Variants in PIM1 observed in about 807,000 individuals in gnomAD.
PIM1 encodes the protein serine/threonine-protein kinase pim-1.
In PIM1, 9 loss-of-function variants were observed where a neutral mutation model predicts 34.5. That is an observed-to-expected ratio of 0.26 (90% confidence interval 0.16 to 0.46). The LOEUF (loss-of-function observed/expected upper bound fraction) is 0.46. Among genes scored for constraint, PIM1 ranks in the 20% least tolerant of loss-of-function variants. The pLI, the probability that PIM1 is intolerant of heterozygous loss-of-function variation, is 1.00. For synonymous variants in PIM1, 199 were observed against 175.2 expected, an observed-to-expected ratio of 1.14 and a Z score of -1.07; for missense variants, 274 against 410.9, an observed-to-expected ratio of 0.67 and a Z score of 2.88.
rs1561984629 is a variant in PIM1 at position 37,174,291 on chromosome 6, G to A, written c.*200G>A. 1 of 473,310 alleles carries A rather than the reference G, an allele frequency of 2.1e-6. No homozygotes were observed. The highest frequency in any genetic ancestry group is 3.7e-6 in the Non-Finnish European group (1 of 267,398). The allele number at this position is 473,310 out of a possible 1,614,324, so 29.3% of individuals were successfully genotyped here. On this transcript the variant is annotated 3_prime_UTR_variant, in exon 6 of 6. Transcript: ENST00000373509. Reference sequence around the variant, plus strand: ...AGTGGGGAAGAGTGACTCTCCAGGGGTCCTAGGCCTCAACTCCTCCCATAG... The same window carrying A: ...AGTGGGGAAGAGTGACTCTCCAGGGATCCTAGGCCTCAACTCCTCCCATAG...
rs1469955711 is a variant in PIM1, at chr6:37,174,188, A to C, written c.*97A>C. 1.6e-6 allele frequency: 2 copies of C among 1,214,656 alleles called. No individual in the cohort carries two copies. The highest frequency in any genetic ancestry group is 4.9e-5 in the East Asian group (2 of 41,088). 75.2% of individuals were successfully genotyped at this position (1,214,656 alleles called of 1,614,324 possible). ...CCGAGTACCAGTGACACGTCTCGCC[A>C]AGCAGGACAGTGCTTGATACAGGAA... On this transcript the variant is annotated 3_prime_UTR_variant, in exon 6 of 6. Coordinates refer to ENST00000373509, the MANE Select transcript of PIM1 (RefSeq NM_002648.4).
At position 37,170,443 on chromosome 6, in the gene PIM1, C is replaced by T. The variant is rs765369919; in HGVS notation, c.-133C>T. The T allele has an allele frequency of 2.6e-6, 4 of 1,542,386 alleles. No homozygotes were observed. Among genetic ancestry groups the T allele is most frequent in the Admixed American group, 3.9e-5 (2 of 51,222 alleles). On this transcript the variant is annotated 5_prime_UTR_variant, in exon 1 of 6. Transcript: ENST00000373509. ...CCTCGGCCTTCCGCGCCAGCCGCAG[C>T]CACAGCCGCAACGCCACCCGCAGCC...
In PIM1 at chr6:37,174,306, T is replaced by C; in HGVS notation, c.*215T>C. 1 of 389,198 alleles carries C rather than the reference T, an allele frequency of 2.6e-6. No homozygotes were observed. The highest frequency in any genetic ancestry group is 4.6e-6 in the Non-Finnish European group (1 of 216,476). 24.1% of individuals were successfully genotyped at this position (389,198 alleles called of 1,614,324 possible). On this transcript the variant is annotated 3_prime_UTR_variant, in exon 6 of 6. Transcript: ENST00000373509. Reference sequence around the variant, plus strand: ...CTCTCCAGGGGTCCTAGGCCTCAACTCCTCCCATAGATACTCTCTTCTTCT... The same window carrying C: ...CTCTCCAGGGGTCCTAGGCCTCAACCCCTCCCATAGATACTCTCTTCTTCT...
In PIM1 at chr6:37,170,571, T is replaced by C. The variant is rs563076832; in HGVS notation, c.-5T>C. On this transcript the variant is annotated 5_prime_UTR_variant, in exon 1 of 6. Transcript: ENST00000373509. ...CGTCCCTGCGCCGACATCCTGGAGG[T>C]TGGGATGCTCTTGTCCAAAATCAAC... 77 of 1,612,660 alleles carry C rather than the reference T, an allele frequency of 4.8e-5. No individual in the cohort carries two copies. The highest frequency in any genetic ancestry group is 6.0e-5 in the Non-Finnish European group (71 of 1,179,526).
At position 37,174,138 on chromosome 6, in the gene PIM1, A is replaced by G. The variant is rs775304256; in HGVS notation, c.*47A>G. The G allele has an allele frequency of 1.9e-6, 3 of 1,571,394 alleles. No homozygotes were observed. Among genetic ancestry groups the G allele is most frequent in the South Asian group, 1.2e-5 (1 of 85,562 alleles). On this transcript the variant is annotated 3_prime_UTR_variant, in exon 6 of 6. Transcript: ENST00000373509. The stretch of plus-strand genomic sequence containing the variant: ...CCCTCTCTTGTCAGATGCCCGAGGG[A>G]GGGGAAGCTTCTGTCTCCAGCTTCC...
intron 4 of PIM1, 78 bp downstream of exon 4, chr6:37,171,569 C>G (rs1226941690): frequency 7.2e-6 from 11 of 1,520,130 alleles, no homozygotes; most frequent in Non-Finnish European, 8.8e-6. Context: ...GCCAGTCTCC[C>G]GCGCCAGCCT....
rs373051321 is a variant in PIM1, at chr6:37,175,080, C to T, written c.*989C>T. On this transcript the variant is annotated 3_prime_UTR_variant, in exon 6 of 6. Transcript: ENST00000373509. The stretch of plus-strand genomic sequence containing the variant: ...TTTCTTTCCTCCTTTCCTCCTCTGA[C>T]TTGGGGACCTTTTGGGGGAGGGCTG... 2.6e-5 allele frequency: 6 copies of T among 233,496 alleles called. No individual in the cohort carries two copies. The highest frequency in any genetic ancestry group is 2.4e-4 in the East Asian group (4 of 16,596). 14.5% of individuals were successfully genotyped at this position (233,496 alleles called of 1,614,324 possible).
intron 2 of PIM1, 47 bp downstream of exon 2, chr6:37,170,926 C>T (rs1480771209): frequency 1.2e-6 from 2 of 1,612,996 alleles, no homozygotes; most frequent in East Asian, 2.2e-5. Flanking sequence ...GCGGGGGGCG[C>T]ACGGGCGTGC....
chr6:37,174,262 C>A lies in PIM1; in HGVS notation c.*171C>A. On this transcript the variant is annotated 3_prime_UTR_variant, in exon 6 of 6. Transcript: ENST00000373509. ...TCCCAGGCCCCTGGAGGCTGCCTCCCAACAGTGGGGAAGAGTGACTCTCCA... is the reference window on the plus strand; with the variant it reads ...TCCCAGGCCCCTGGAGGCTGCCTCCAAACAGTGGGGAAGAGTGACTCTCCA... 2 of 624,518 alleles carry A rather than the reference C, an allele frequency of 3.2e-6. No individual in the cohort carries two copies. The highest frequency in any genetic ancestry group is 5.4e-6 in the Non-Finnish European group (2 of 371,338). 38.7% of individuals were successfully genotyped at this position (624,518 alleles called of 1,614,324 possible). A position where few individuals can be genotyped will look rare whatever the true frequency, so the allele number is the denominator to read the frequency against.
chr6:37,172,791 A>G, intron 4 of PIM1: 1 of 685,462 alleles, frequency 1.5e-6, no homozygotes, highest in East Asian at 2.8e-5. Context: ...GGGCTAGCAG[A>G]GAGGTGGGTA....
rs899183109 is a variant in PIM1 at position 37,171,307 on chromosome 6, G to A, written c.423G>A (p.Glu141=). 2 of 1,614,056 alleles carry A rather than the reference G, an allele frequency of 1.2e-6. No individual in the cohort carries two copies. Among genetic ancestry groups the A allele is most frequent in the African/African-American group, 2.7e-5 (2 of 74,954 alleles). ...DFITERGALQ[E]ELARSFFWQV... is the part of the protein sequence containing the mutation. ...TCACGGAAAGGGGAGCCCTGCAAGA[G>A]GAGCTGGCCCGCAGCTTCTTCTGGC... Residue 141 remains glutamate (E), a synonymous_variant, in exon 4 of 6, where the codon GAG becomes GAA. Transcript: ENST00000373509.
At position 37,170,490 on chromosome 6, in the gene PIM1, G is replaced by T; in HGVS notation, c.-86G>T. ...AGCCACAGCCACAGCCACAGCCCCA[G>T]GCATAGCCTTCGGCACAGCCCCGGC... On this transcript the variant is annotated 5_prime_UTR_variant, in exon 1 of 6. In the 5' UTR this introduces an upstream ATG that the reference lacks. Coordinates refer to ENST00000373509, the MANE Select transcript of PIM1 (RefSeq NM_002648.4). The T allele has an allele frequency of 1.3e-6, 2 of 1,588,786 alleles. No homozygotes were observed. Among genetic ancestry groups the T allele is most frequent in the Non-Finnish European group, 1.7e-6 (2 of 1,171,800 alleles).
rs1414547820 is a variant in PIM1 at position 37,174,703 on chromosome 6, G to A, written c.*612G>A. Reference sequence around the variant, plus strand: ...CATGGAAGAGGCTACAGGGCCAAACGCTGAGCCACCTGCCCTTTTTTCTGC... The same window carrying A: ...CATGGAAGAGGCTACAGGGCCAAACACTGAGCCACCTGCCCTTTTTTCTGC... On this transcript the variant is annotated 3_prime_UTR_variant, in exon 6 of 6. Transcript: ENST00000373509. The A allele has an allele frequency of 4.3e-6, 1 of 233,510 alleles. No individual in the cohort carries two copies. The highest frequency in any genetic ancestry group is 2.2e-5 in the African/African-American group (1 of 45,314). 14.5% of individuals were successfully genotyped at this position (233,510 alleles called of 1,614,324 possible). A position where few individuals can be genotyped will look rare whatever the true frequency, so the allele number is the denominator to read the frequency against.
At chr6:37,171,635 GA>G (rs1191374773) in intron 4 of PIM1, 144 bp downstream of exon 4, 3 of 975,758 alleles carry the variant, frequency 3.1e-6, no homozygotes, top group African/African-American at 1.6e-5. Context: ...GGACGCAGGA[GA>G]GCCTCCCAGC....
intron 5 of PIM1, 30 bp from the exon 6 acceptor site, chr6:37,173,904 T>C: frequency 6.3e-7 from 1 of 1,592,662 alleles, no homozygotes; most frequent in Non-Finnish European, 8.6e-7. Flanking sequence ...GTTGAGTCAT[T>C]CATAACCTCG....
chr6:37,170,943 C>T (rs1333527073), intron 2 of PIM1, 38 bp from the exon 3 acceptor site: 5 of 1,613,826 alleles, frequency 3.1e-6, no homozygotes, highest in Admixed American at 1.7e-5. Context: ...GTGCTTTAGC[C>T]CGGACGAGGG....
At chr6:37,173,850 C>T (rs1762352338) in intron 5 of PIM1, 84 bp from the exon 6 acceptor site, 12 of 1,315,402 alleles carry the variant, frequency 9.1e-6, no homozygotes, top group Non-Finnish European at 1.3e-5. Flanking sequence ...GACTTGTGGG[C>T]CTCTGAGAAG....
chr6:37,170,221 T>C lies in PIM1; in HGVS notation c.-355T>C, dbSNP rs1583395756. 1 of 1,262,876 alleles carries C rather than the reference T, an allele frequency of 7.9e-7. No individual in the cohort carries two copies. The highest frequency in any genetic ancestry group is 1.0e-6 in the Non-Finnish European group (1 of 999,358). The allele number at this position is 1,262,876 out of a possible 1,614,324, so 78.2% of individuals were successfully genotyped here. A position where few individuals can be genotyped will look rare whatever the true frequency, so the allele number is the denominator to read the frequency against. On this transcript the variant is annotated 5_prime_UTR_variant, in exon 1 of 6. Transcript: ENST00000373509. ...GGTGGCTGAGGAGGCCCGAGAGGAGTCGGTGGCAGCGGCGGCGGCGGGACC... is the reference window on the plus strand; with the variant it reads ...GGTGGCTGAGGAGGCCCGAGAGGAGCCGGTGGCAGCGGCGGCGGCGGGACC...
chr6:37,171,053 C>A (rs760742132), intron 3 of PIM1, 22 bp downstream of exon 3: 3 of 1,613,952 alleles, frequency 1.9e-6, no homozygotes, highest in South Asian at 2.2e-5. Context: ...GCAGGAGCGA[C>A]CCCCAGGATG....
Sources: gnomAD v4.1 joint callset for allele counts on GRCh38, gnomAD v4.1.1 for gene constraint, MANE v1.5 for transcripts, NCBI Gene and HGNC (gene_info 2026-07-23, HGNC 2026-07-21) for gene names.